Variants in HPSE2 observed in about 807,000 individuals in gnomAD.
HPSE2 encodes the protein heparanase 2 (inactive).
Under a neutral mutation model 60.5 loss-of-function variants are expected in HPSE2, and 38 were observed. The observed-to-expected ratio is 0.63, with a 90% CI of 0.48 to 0.82. HPSE2 has a LOEUF of 0.82. Among genes scored for constraint, HPSE2 ranks in the 40% least tolerant of loss-of-function variants. The probability of loss-of-function intolerance (pLI) is 0.00; values close to 1 mark genes in which losing one functional copy is unlikely to be tolerated. For synonymous variants in HPSE2, 295 were observed against 293.2 expected, an observed-to-expected ratio of 1.01 and a Z score of -0.06; for missense variants, 713 against 740.4, an observed-to-expected ratio of 0.96 and a Z score of 0.43.
rs3179357 is a variant in HPSE2 at position 98,458,975 on chromosome 10, A to G, written c.*599T>C. 0.52 allele frequency: 84,191 copies of G among 161,028 alleles called. 22,451 individuals carry two copies. The highest frequency in any genetic ancestry group is 0.61 in the African/African-American group (25,578 of 41,614). The allele number at this position is 161,028 out of a possible 1,614,324, so 10.0% of individuals were successfully genotyped here. A position where few individuals can be genotyped will look rare whatever the true frequency, so the allele number is the denominator to read the frequency against. ...ATGGATGCCACTGTCAGGAACCCAG[A>G]TGCGCACGCTCATACATCAGCCGGG... is the stretch of plus-strand genomic sequence containing the variant. On this transcript the variant is annotated 3_prime_UTR_variant, in exon 12 of 12. Coordinates refer to ENST00000370552, the MANE Select transcript of HPSE2 (RefSeq NM_021828.5).
intron 9 of HPSE2, among the ~76,000 whole-genome samples, chr10:98,599,956 G>T (rs1418962577): frequency 1.3e-5 from 2 of 152,124 alleles, no homozygotes; most frequent in Non-Finnish European, 2.9e-5. Flanking sequence ...TGGTTAAAGT[G>T]ATCATTAGCA....
the HPSE2 span, among the ~76,000 whole-genome samples, chr10:99,300,245 G>A: frequency 6.6e-6 from 1 of 152,198 alleles, no homozygotes; most frequent in African/African-American, 2.4e-5. Context: ...AGGCTTAAGA[G>A]GGAGTTTAAG....
chr10:98,966,442 C>T (rs1423384827), intron 3 of HPSE2, among the ~76,000 whole-genome samples: 1 of 152,148 alleles, frequency 6.6e-6, no homozygotes, highest in Non-Finnish European at 1.5e-5. Context: ...TAAGCATATA[C>T]TATCAAAGTG....
intron 2 of HPSE2, among the ~76,000 whole-genome samples, chr10:99,181,397 C>CAA (rs58049545): frequency 1.8e-4 from 19 of 104,760 alleles, no homozygotes; most frequent in African/African-American, 7.0e-4. Flanking sequence ...GACTCCGTCT[C>CAA]AAAAAAAAAA....
chr10:99,014,370 G>A lies in HPSE2; in HGVS notation c.610+129868C>T, dbSNP rs182724324. ...CAGTGTATCATTCATGGCCACTTAG[G>A]TTGATTCCATGTCTTTGCTATTGTG... On this transcript the variant is annotated intron_variant, in intron 3 of 11. Transcript: ENST00000370552. Among the ~76,000 whole-genome samples, 5 of 152,242 alleles carry A rather than the reference G, an allele frequency of 3.3e-5. No homozygotes were observed. In the East Asian group the frequency reaches 9.6e-4, roughly 29 times the overall value.
chr10:99,134,512 C>T (rs928793462), intron 3 of HPSE2, among the ~76,000 whole-genome samples: 1 of 152,224 alleles, frequency 6.6e-6, no homozygotes, highest in Non-Finnish European at 1.5e-5. Flanking sequence ...ATCAGACTAA[C>T]AGTGGATCTC....
the HPSE2 span, among the ~76,000 whole-genome samples, chr10:99,254,298 A>G: frequency 6.6e-6 from 1 of 152,226 alleles, no homozygotes; most frequent in Non-Finnish European, 1.5e-5. Context: ...ACAGGAACAG[A>G]TAACCAAATA....
intron 4 of HPSE2, among the ~76,000 whole-genome samples, chr10:98,728,663 A>G (rs1378590971): frequency 6.6e-6 from 1 of 152,110 alleles, no homozygotes; most frequent in East Asian, 1.9e-4. Context: ...GTATTACTTG[A>G]AAATAGATTG....
chr10:98,825,134 C>T (rs1565190756), intron 3 of HPSE2, among the ~76,000 whole-genome samples: 2 of 152,166 alleles, frequency 1.3e-5, no homozygotes, highest in Non-Finnish European at 2.9e-5. Flanking sequence ...AAGAGAGGTA[C>T]ACACTTCTTC....
chr10:99,236,329 G>A (rs921194046), upstream of HPSE2, among the ~76,000 whole-genome samples: 1 of 151,962 alleles, frequency 6.6e-6, no homozygotes, highest in Non-Finnish European at 1.5e-5. Context: ...TCCCTGAGAG[G>A]CTCTGGAGGG....
intron 5 of HPSE2, among the ~76,000 whole-genome samples, chr10:98,705,603 C>A (rs1948526655): frequency 6.6e-6 from 1 of 152,100 alleles, no homozygotes; most frequent in African/African-American, 2.4e-5. Flanking sequence ...ATGTCCTTTG[C>A]AGTGACATGG....
intron 9 of HPSE2, among the ~76,000 whole-genome samples, chr10:98,518,752 G>A (rs1452892336): frequency 2.0e-5 from 3 of 151,884 alleles, no homozygotes; most frequent in Admixed American, 2.0e-4. Context: ...ATCTCATCAG[G>A]TTGTTGTGAA....
intron 9 of HPSE2, among the ~76,000 whole-genome samples, chr10:98,572,326 C>A (rs1436940778): frequency 6.6e-6 from 1 of 152,262 alleles, no homozygotes; most frequent in Non-Finnish European, 1.5e-5. Flanking sequence ...AGGAGAGATA[C>A]TATAATTGAT....
chr10:99,229,296 T>C (rs1332507190), intron 2 of HPSE2, among the ~76,000 whole-genome samples: 1 of 152,212 alleles, frequency 6.6e-6, no homozygotes, highest in African/African-American at 2.4e-5. Context: ...AAAGCCACCT[T>C]TGGTTCTCAA....
chr10:98,852,111 T>A, intron 3 of HPSE2, among the ~76,000 whole-genome samples: 1 of 39,218 alleles, frequency 2.5e-5, no homozygotes, highest in Non-Finnish European at 5.5e-5. Context: ...TTGTATATTA[T>A]GATGTGTGTG....
chr10:99,028,556 T>C (rs1589541594), intron 3 of HPSE2, among the ~76,000 whole-genome samples: 3 of 152,324 alleles, frequency 2.0e-5, no homozygotes, highest in East Asian at 3.9e-4. Context: ...ATGTTCATAC[T>C]GCCCAAAGCA....
intron 3 of HPSE2, among the ~76,000 whole-genome samples, chr10:99,118,549 T>G (rs924359619): frequency 4.6e-4 from 62 of 134,054 alleles, no homozygotes; most frequent in African/African-American, 1.7e-3. Flanking sequence ...AAACCATACC[T>G]CAAAATAATA....
intron 3 of HPSE2, among the ~76,000 whole-genome samples, chr10:99,107,152 T>C (rs1425945493): frequency 1.3e-5 from 2 of 152,194 alleles, no homozygotes; most frequent in African/African-American, 2.4e-5. Flanking sequence ...ATTACAGGTG[T>C]GAGCCACCAC....
chr10:98,980,025 T>C (rs1011226314), intron 3 of HPSE2, among the ~76,000 whole-genome samples: 3 of 152,186 alleles, frequency 2.0e-5, no homozygotes, highest in African/African-American at 7.2e-5. Flanking sequence ...TGCAGGCCAG[T>C]AATTATTATT....
Sources: allele counts gnomAD v4.1 joint callset (sites outside exome capture counted in the v4.1 genomes callset), GRCh38; gene constraint gnomAD v4.1.1; transcripts MANE v1.5; gene names NCBI Gene and HGNC (gene_info 2026-07-23, HGNC 2026-07-21).